NLK: variants seen among roughly 807,000 people sequenced by gnomAD.
NLK encodes the protein nemo like kinase.
NLK carries 11 observed loss-of-function variants against 59.0 expected under a neutral mutation model. The ratio of observed to expected loss-of-function variants is 0.19; its 90% CI spans 0.12 to 0.31. The LOEUF (loss-of-function observed/expected upper bound fraction) is 0.31, where lower values mean the gene tolerates loss of function less well. NLK is among the 10% of genes least tolerant of loss of function. NLK has a pLI of 1.00. For synonymous variants in NLK, 235 were observed against 235.9 expected (o/e 1.00, Z 0.03); for missense variants, 410 against 661.1 (o/e 0.62, Z 4.16).
At chr17:28,085,304 A>G (rs1000828184) in intron 1 of NLK, among the ~76,000 whole-genome samples, 35 of 152,214 alleles carry the variant, frequency 2.3e-4, no homozygotes, top group African/African-American at 7.7e-4. Flanking sequence ...CCCCCAACCC[A>G]GAGCATTTTT....
chr17:28,093,174 G>A (rs2142780611), intron 1 of NLK, among the ~76,000 whole-genome samples: 1 of 152,238 alleles, frequency 6.6e-6, no homozygotes, highest in Admixed American at 6.5e-5. Flanking sequence ...TTAGTTGGGA[G>A]GGGAGTTGCA....
chr17:28,124,622 TCTTTCTTAGTTATTTCTTGACCTTGC>T (rs1299392982), intron 2 of NLK, among the ~76,000 whole-genome samples: 1 of 152,220 alleles, frequency 6.6e-6, no homozygotes, highest in Non-Finnish European at 1.5e-5. Context: ...AATGTCTAGT[TCTTTCTTAGTTATTTCTTGACCTTGC>T]CTTAGTGTGT....
At chr17:28,158,175 C>T (rs1293323576) in intron 3 of NLK, among the ~76,000 whole-genome samples, 1 of 152,212 alleles carries the variant, frequency 6.6e-6, no homozygotes, top group Non-Finnish European at 1.5e-5. Context: ...ATGGTATAAC[C>T]TATTCCTCTT....
chr17:28,085,225 A>G (rs1228976173), intron 1 of NLK, among the ~76,000 whole-genome samples: 1 of 152,216 alleles, frequency 6.6e-6, no homozygotes, highest in Non-Finnish European at 1.5e-5. Context: ...CCCTGGTGAC[A>G]CTATTCTGTT....
intron 1 of NLK, among the ~76,000 whole-genome samples, chr17:28,089,182 G>C (rs1904392669): frequency 6.6e-6 from 1 of 152,120 alleles, no homozygotes; most frequent in African/African-American, 2.4e-5. Flanking sequence ...TCAAGATTCT[G>C]AACATATTCA....
chr17:28,147,772 C>T (rs953767254), intron 3 of NLK, among the ~76,000 whole-genome samples: 1 of 152,154 alleles, frequency 6.6e-6, no homozygotes, highest in Non-Finnish European at 1.5e-5. Context: ...TCCATGATAA[C>T]GTTTTCTTCC....
intron 3 of NLK, among the ~76,000 whole-genome samples, chr17:28,141,995 C>CCATCTATG (rs1306187068): frequency 1.1e-4 from 16 of 152,180 alleles, no homozygotes; most frequent in African/African-American, 3.1e-4. Flanking sequence ...CCAGTCTCTG[C>CCATCTATG]CATCTATGTT....
chr17:28,092,048 A>G (rs1166583276), intron 1 of NLK, among the ~76,000 whole-genome samples: 1 of 152,246 alleles, frequency 6.6e-6, no homozygotes, highest in African/African-American at 2.4e-5. Flanking sequence ...AGCTAACAAT[A>G]TACAGGTTTT....
At chr17:28,113,132 T>C (rs2142806908) in intron 1 of NLK, among the ~76,000 whole-genome samples, 1 of 152,316 alleles carries the variant, frequency 6.6e-6, no homozygotes, top group Non-Finnish European at 1.5e-5. Context: ...GCAGTTTGCC[T>C]TTTTAAAAAA....
At chr17:28,188,627 G>A (rs1048455723) in intron 8 of NLK, among the ~76,000 whole-genome samples, 2 of 152,026 alleles carry the variant, frequency 1.3e-5, no homozygotes, top group African/African-American at 4.8e-5. Flanking sequence ...ACAGATGTGC[G>A]CCACCACACC....
chr17:28,175,633 A>C (rs187144433), intron 7 of NLK, among the ~76,000 whole-genome samples: 2 of 152,170 alleles, frequency 1.3e-5, no homozygotes, highest in Non-Finnish European at 2.9e-5. Flanking sequence ...CAGTTCATTC[A>C]TCTGTAAAAT....
chr17:28,045,939 G>A (rs1215916776), intron 1 of NLK, among the ~76,000 whole-genome samples: 3 of 152,114 alleles, frequency 2.0e-5, no homozygotes, highest in Non-Finnish European at 2.9e-5. Flanking sequence ...GATTGAAACC[G>A]CCATGTAACT....
intron 5 of NLK, among the ~76,000 whole-genome samples, chr17:28,163,895 T>A (rs1468943027): frequency 2.6e-5 from 4 of 152,210 alleles, no homozygotes; most frequent in African/African-American, 9.6e-5. Context: ...GTGACTCCTT[T>A]ACAGCTTGTT....
intron 1 of NLK, among the ~76,000 whole-genome samples, chr17:28,055,393 AT>A (rs531781657): frequency 1.5e-3 from 219 of 144,332 alleles, no homozygotes; most frequent in Non-Finnish European, 1.5e-3. Context: ...GCCAGGTTGG[AT>A]TTTTTTTTTT....
chr17:28,158,467 T>G (rs1907873949), intron 3 of NLK, among the ~76,000 whole-genome samples: 1 of 152,194 alleles, frequency 6.6e-6, no homozygotes, highest in Non-Finnish European at 1.5e-5. Context: ...AACTCTGTGC[T>G]CTTAAGCTAC....
At chr17:28,126,248 G>A (rs1906285255) in intron 2 of NLK, among the ~76,000 whole-genome samples, 1 of 152,180 alleles carries the variant, frequency 6.6e-6, no homozygotes. Flanking sequence ...TGTATTCAAA[G>A]ATTCCCTGGA....
chr17:28,131,585 G>GT (rs1906518903), intron 2 of NLK, among the ~76,000 whole-genome samples: 1 of 69,690 alleles, frequency 1.4e-5, no homozygotes, highest in South Asian at 4.9e-4. Context: ...GTTCTCTGTA[G>GT]TAAAAAAAAA....
chr17:28,174,390 T>TAA (rs1908592007), intron 7 of NLK, among the ~76,000 whole-genome samples: 1 of 152,128 alleles, frequency 6.6e-6, no homozygotes, highest in African/African-American at 2.4e-5. Flanking sequence ...GTGATGACCT[T>TAA]AAGGGAGCAC....
At chr17:28,111,896 GGTGTGTGTGTGTGTGTGTGTGTGT>G (rs747211468) in intron 1 of NLK, among the ~76,000 whole-genome samples, 9 of 67,478 alleles carry the variant, frequency 1.3e-4, no homozygotes, top group South Asian at 6.1e-4. Context: ...GTGTGTGTGT[GGTGTGTGTGTGTGTGTGTGTGTGT>G]GTGTGTGTGT....
Sources: allele counts gnomAD v4.1 joint callset (sites outside exome capture counted in the v4.1 genomes callset), GRCh38; gene constraint gnomAD v4.1.1; transcripts MANE v1.5; gene names NCBI Gene and HGNC (gene_info 2026-07-23, HGNC 2026-07-21).